OSBP2: variants seen among roughly 807,000 people sequenced by gnomAD.
OSBP2 encodes the protein oxysterol binding protein 2.
In OSBP2, 66 loss-of-function variants were observed where a neutral mutation model predicts 96.0. The ratio of observed to expected loss-of-function variants is 0.69; its 90% CI spans 0.56 to 0.84. The LOEUF (loss-of-function observed/expected upper bound fraction) is 0.84. Among genes scored for constraint, OSBP2 ranks in the 40% least tolerant of loss-of-function variants. OSBP2 has a pLI of 0.00. For synonymous variants in OSBP2, 525 were observed against 520.9 expected, an observed-to-expected ratio of 1.01 and a Z score of -0.11; for missense variants, 1,038 against 1,222.7, an observed-to-expected ratio of 0.85 and a Z score of 2.25.
At chr22:30,796,278 C>A (rs1343979705) in intron 2 of OSBP2, among the ~76,000 whole-genome samples, 1 of 151,986 alleles carries the variant, frequency 6.6e-6, no homozygotes, top group Non-Finnish European at 1.5e-5. Context: ...CTGAGGGCCC[C>A]TTGGTTAACC....
At position 30,708,137 on chromosome 22, in the gene OSBP2, C is replaced by T. The variant is rs2089286167; in HGVS notation, c.644+12584C>T. On this transcript the variant is annotated intron_variant, in intron 1 of 13. Transcript: ENST00000332585. ...TCCTGACCTCAGGTGATCCACCTGC[C>T]TCAGCCTCCCAAAATGCTGGGATTA... Among the ~76,000 whole-genome samples the T allele has an allele frequency of 2.6e-5, 4 of 151,964 alleles. 1 individual carries two copies. In the South Asian group the frequency reaches 6.2e-4, roughly 24 times the overall value.
chr22:30,845,290 G>A (rs531781537), intron 2 of OSBP2, among the ~76,000 whole-genome samples: 1 of 152,290 alleles, frequency 6.6e-6, no homozygotes, highest in Admixed American at 6.5e-5. Flanking sequence ...ACTTAGCCAG[G>A]CGTGGTGGTA....
intron 2 of OSBP2, among the ~76,000 whole-genome samples, chr22:30,780,282 A>C (rs990253530): frequency 1.3e-5 from 2 of 152,312 alleles, no homozygotes; most frequent in Admixed American, 1.3e-4. Flanking sequence ...AGAATGTGGC[A>C]CGGTGAAGAT....
chr22:30,788,706 C>T (rs190910939), intron 2 of OSBP2, among the ~76,000 whole-genome samples: 23 of 152,036 alleles, frequency 1.5e-4, no homozygotes, highest in African/African-American at 5.5e-4. Context: ...GGAGGGTGAA[C>T]AATTTTATTT....
In OSBP2 at chr22:30,906,629, T is replaced by G; in HGVS notation, c.*290T>G. The G allele has an allele frequency of 3.3e-6, 1 of 301,282 alleles. No individual in the cohort carries two copies. The highest frequency in any genetic ancestry group is 6.1e-6 in the Non-Finnish European group (1 of 164,984). 18.7% of individuals were successfully genotyped at this position (301,282 alleles called of 1,614,324 possible). On this transcript the variant is annotated 3_prime_UTR_variant, in exon 14 of 14. Coordinates refer to ENST00000332585, the MANE Select transcript of OSBP2 (RefSeq NM_030758.4). ...CCCAGTTACCACAACTCAGGCCGGC[T>G]GGCCCGGGCCATGGGCTGCGCAAAT...
At chr22:30,892,532 G>GGGCCCCA (rs2039971441) in intron 8 of OSBP2, among the ~76,000 whole-genome samples, 1 of 152,096 alleles carries the variant, frequency 6.6e-6, no homozygotes, top group Non-Finnish European at 1.5e-5. Context: ...AGGGAAGCCT[G>GGGCCCCA]GGCCCCACAG....
chr22:30,764,535 T>C (rs2090246698), intron 2 of OSBP2: 1 of 288,644 alleles, frequency 3.5e-6, no homozygotes. Flanking sequence ...GGGATGCAAG[T>C]GGGCTTGGTC....
In OSBP2 at chr22:30,761,825, A is replaced by G. The variant is rs186757315; in HGVS notation, c.853+20456A>G. 8.5e-5 allele frequency among the ~76,000 whole-genome samples: 13 copies of G among 152,380 alleles called. No individual in the cohort carries two copies. The South Asian group carries it at 1.7e-3, about 19-fold the overall frequency. The stretch of plus-strand genomic sequence containing the variant: ...GATGGCTTTTGACAGAGGTGCAGAA[A>G]CAATTTAATTGAGAAAGGTTAGTCT... On this transcript the variant is annotated intron_variant, in intron 2 of 13. Coordinates refer to ENST00000332585, the MANE Select transcript of OSBP2 (RefSeq NM_030758.4).
chr22:30,902,168 C>T, intron 12 of OSBP2: 2 of 612,372 alleles, frequency 3.3e-6, no homozygotes, highest in African/African-American at 1.9e-5. Context: ...GGTCCCACGG[C>T]AGTACTGGTG....
At chr22:30,825,134 C>T (rs1281953155) in intron 2 of OSBP2, among the ~76,000 whole-genome samples, 1 of 152,212 alleles carries the variant, frequency 6.6e-6, no homozygotes, top group African/African-American at 2.4e-5. Flanking sequence ...CTTGCCTGGC[C>T]TTCAGCCGAC....
At chr22:30,838,204 C>T (rs531182400) in intron 2 of OSBP2, among the ~76,000 whole-genome samples, 3 of 152,256 alleles carry the variant, frequency 2.0e-5, no homozygotes, top group African/African-American at 7.2e-5. Context: ...AGGGTCCCAG[C>T]AGCAGCTTCA....
chr22:30,896,941 C>A (rs1471989465), intron 12 of OSBP2, among the ~76,000 whole-genome samples: 2 of 152,184 alleles, frequency 1.3e-5, no homozygotes, highest in Non-Finnish European at 2.9e-5. Context: ...AGCCACCATG[C>A]CCGGCCTAAC....
intron 12 of OSBP2, chr22:30,902,505 AG>A: frequency 1.3e-6 from 2 of 1,544,108 alleles, no homozygotes; most frequent in Non-Finnish European, 1.8e-6. Flanking sequence ...CAGATGACGA[AG>A]CTTCAGGGAT....
chr22:30,804,210 G>A (rs1016110150), intron 2 of OSBP2, among the ~76,000 whole-genome samples: 5 of 152,186 alleles, frequency 3.3e-5, no homozygotes. Context: ...AGAGGGAGTG[G>A]AGAGGGGAGG....
At chr22:30,818,396 T>C (rs1035528502) in intron 2 of OSBP2, among the ~76,000 whole-genome samples, 2 of 152,098 alleles carry the variant, frequency 1.3e-5, no homozygotes, top group African/African-American at 4.8e-5. Flanking sequence ...CCTGCTGTTA[T>C]TGAGTTAGGT....
At chr22:30,842,970 G>A (rs2038784514) in intron 2 of OSBP2, among the ~76,000 whole-genome samples, 1 of 151,928 alleles carries the variant, frequency 6.6e-6, no homozygotes, top group Admixed American at 6.6e-5. Context: ...TTTTAGTAGA[G>A]ACGAGGTTTC....
At chr22:30,717,067 A>AT (rs2089468648) in intron 1 of OSBP2, among the ~76,000 whole-genome samples, 1 of 130,432 alleles carries the variant, frequency 7.7e-6, no homozygotes, top group Non-Finnish European at 1.6e-5. Context: ...ATTTAAATCT[A>AT]TTTTGTTTTA....
rs376066257 is a variant in OSBP2 at position 30,906,464 on chromosome 22, A to AT, written c.*135dup. On this transcript the variant is annotated 3_prime_UTR_variant, in exon 14 of 14. Transcript: ENST00000332585. ...CCCAGCCCTTCCTATTTCCTTTCCT[A>AT]TTTTTTTTTTCTCCCCACACTTTCT... 38,761 of 1,049,296 alleles carry AT rather than the reference A, an allele frequency of 0.037. 172 individuals are homozygous for AT. The highest frequency in any genetic ancestry group is 0.04 in the Non-Finnish European group (32,066 of 795,998). The allele number at this position is 1,049,296 out of a possible 1,614,324, so 65.0% of individuals were successfully genotyped here.
chr22:30,717,131 TGTAG>T lies in OSBP2; in HGVS notation c.644+21579_644+21582del, dbSNP rs1171077851. Among the ~76,000 whole-genome samples, 3 of 148,422 alleles carry T rather than the reference TGTAG, an allele frequency of 2.0e-5. No individual in the cohort carries two copies. The East Asian group carries it at 6.1e-4, about 30-fold the overall frequency. On this transcript the variant is annotated intron_variant, in intron 1 of 13. Transcript: ENST00000332585. ...GTGTGTGTGTGTGTGTGTGTGTGTGTGTAGAGACAGGGTCTCGCTATGTTGCTCA... is the reference window on the plus strand; with the variant it reads ...GTGTGTGTGTGTGTGTGTGTGTGTGTAGACAGGGTCTCGCTATGTTGCTCA...
Sources: allele counts gnomAD v4.1 joint callset (sites outside exome capture counted in the v4.1 genomes callset), GRCh38; gene constraint gnomAD v4.1.1; transcripts MANE v1.5; gene names NCBI Gene and HGNC (gene_info 2026-07-23, HGNC 2026-07-21).